The following PLEKHA5 variants were observed in gnomAD, a reference collection of about 807,000 sequenced individuals.
PLEKHA5 encodes the protein pleckstrin homology domain containing A5, also known as pleckstrin homology domain-containing family A member 5.
A neutral mutation model predicts 181.9 loss-of-function variants in PLEKHA5; 55 were observed. The ratio of observed to expected loss-of-function variants is 0.30; its 90% CI spans 0.24 to 0.38. PLEKHA5 has a LOEUF of 0.38. Among genes scored for constraint, PLEKHA5 ranks in the 10% least tolerant of loss-of-function variants. PLEKHA5 has a pLI of 1.00. For synonymous variants in PLEKHA5, 535 were observed against 529.4 expected (o/e 1.01, Z -0.15); for missense variants, 1,432 against 1,549.5 (o/e 0.92, Z 1.27).
At chr12:19,370,025 C>T (rs2095537051) in intron 31 of PLEKHA5, among the ~76,000 whole-genome samples, 1 of 152,208 alleles carries the variant, frequency 6.6e-6, no homozygotes. Flanking sequence ...ATTTCATCAT[C>T]CAGAAAAACA....
At chr12:19,179,005 T>G (rs891129534) in intron 3 of PLEKHA5, among the ~76,000 whole-genome samples, 3 of 152,190 alleles carry the variant, frequency 2.0e-5, no homozygotes, top group African/African-American at 7.2e-5. Flanking sequence ...GAGGAGAGAT[T>G]CTGCATTTGT....
chr12:19,131,673 C>CT (rs1462595893), intron 2 of PLEKHA5, among the ~76,000 whole-genome samples: 168 of 145,206 alleles, frequency 1.2e-3, no homozygotes, highest in Admixed American at 1.3e-3. Flanking sequence ...TGTGATTTCA[C>CT]TTTTTTTTTT....
intron 10 of PLEKHA5, among the ~76,000 whole-genome samples, chr12:19,273,731 T>C (rs2073749278): frequency 6.6e-6 from 1 of 152,206 alleles, no homozygotes; most frequent in Non-Finnish European, 1.5e-5. Flanking sequence ...GCTCATTCTT[T>C]CAGTGGCCAG....
chr12:19,283,396 G>A lies in PLEKHA5; in HGVS notation c.1430G>A (p.Ser477Asn), dbSNP rs1383632859. The change falls in exon 12 of 32, where the codon AGT becomes AAT. Residue 477 changes from serine to asparagine, a missense_variant. By Grantham distance (46) the Ser-to-Asn change is conservative (BLOSUM62 1). Coordinates refer to ENST00000429027, the MANE Select transcript of PLEKHA5 (RefSeq NM_001256470.2). ...AGAAACAGCAAGACAAGGCCTGAAAGTATCTGCAGTGTAACCCCTTCCACT... is the reference window on the plus strand; with the variant it reads ...AGAAACAGCAAGACAAGGCCTGAAAATATCTGCAGTGTAACCCCTTCCACT... ...LPRNSKTRPE[S>N]ICSVTPSTHD... 4 of 1,614,052 alleles carry A rather than the reference G, an allele frequency of 2.5e-6. No individual in the cohort carries two copies. The highest frequency in any genetic ancestry group is 1.7e-5 in the Admixed American group (1 of 59,994).
At chr12:19,334,832 ATAT>A (rs1565630043) in intron 20 of PLEKHA5, among the ~76,000 whole-genome samples, 1,409 of 25,274 alleles carry the variant, frequency 0.056, 278 homozygotes, top group East Asian at 0.25. Context: ...AAAAAAAAAT[ATAT>A]ATATATATAT....
intron 31 of PLEKHA5, among the ~76,000 whole-genome samples, chr12:19,375,194 T>G (rs558402789): frequency 6.6e-6 from 1 of 151,886 alleles, no homozygotes; most frequent in South Asian, 2.1e-4. Flanking sequence ...CATGGTGATA[T>G]GTGCCTGTAA....
chr12:19,213,721 TCAATA>T (rs1160072063), intron 3 of PLEKHA5, among the ~76,000 whole-genome samples: 4 of 152,004 alleles, frequency 2.6e-5, no homozygotes, highest in Admixed American at 6.5e-5. Flanking sequence ...TAGAGATAGA[TCAATA>T]CAACGTAAGT....
intron 25 of PLEKHA5, among the ~76,000 whole-genome samples, chr12:19,349,223 C>G (rs2153213831): frequency 6.6e-6 from 1 of 152,030 alleles, no homozygotes; most frequent in South Asian, 2.1e-4. Context: ...CTCGGTGATC[C>G]TCTCACTTCA....
intron 3 of PLEKHA5, among the ~76,000 whole-genome samples, chr12:19,253,535 G>C (rs77855047): frequency 6.6e-6 from 1 of 151,834 alleles, no homozygotes; most frequent in African/African-American, 2.4e-5. Flanking sequence ...AAAGGCTGGC[G>C]GCCAGGTGCC....
intron 3 of PLEKHA5, among the ~76,000 whole-genome samples, chr12:19,230,018 G>T (rs902777239): frequency 6.6e-6 from 1 of 152,054 alleles, no homozygotes; most frequent in Non-Finnish European, 1.5e-5. Context: ...TAGACATAAA[G>T]GTTCTCCAAG....
intron 3 of PLEKHA5, among the ~76,000 whole-genome samples, chr12:19,180,594 A>G (rs1591958162): frequency 6.6e-6 from 1 of 152,292 alleles, no homozygotes; most frequent in East Asian, 1.9e-4. Flanking sequence ...ATCTGCAAGC[A>G]TATTTTAGAA....
At chr12:19,139,316 T>C (rs1283227883) in intron 3 of PLEKHA5, among the ~76,000 whole-genome samples, 1 of 152,078 alleles carries the variant, frequency 6.6e-6, no homozygotes, top group Non-Finnish European at 1.5e-5. Context: ...TGGTTTGGTT[T>C]TTGAGCTGCT....
intron 20 of PLEKHA5, 81 bp downstream of exon 20, chr12:19,322,748 C>A: frequency 2.2e-6 from 2 of 896,108 alleles, no homozygotes; most frequent in South Asian, 1.7e-5. Context: ...TAATACTGGG[C>A]TCTCTTTAGG....
intron 15 of PLEKHA5, among the ~76,000 whole-genome samples, chr12:19,305,278 A>G (rs1375686315): frequency 6.6e-6 from 1 of 152,034 alleles, no homozygotes; most frequent in Non-Finnish European, 1.5e-5. Flanking sequence ...AAGTTATTCA[A>G]TAGGTGGGGT....
At chr12:19,338,560 A>G (rs912076882) in intron 21 of PLEKHA5, among the ~76,000 whole-genome samples, 4 of 151,468 alleles carry the variant, frequency 2.6e-5, no homozygotes, top group Non-Finnish European at 4.4e-5. Context: ...TGGAGTGGAG[A>G]TCACGCAACT....
At chr12:19,189,149 G>A (rs1591991617) in intron 3 of PLEKHA5, among the ~76,000 whole-genome samples, 1 of 152,220 alleles carries the variant, frequency 6.6e-6, no homozygotes, top group African/African-American at 2.4e-5. Flanking sequence ...CAGTGTGCCT[G>A]GAACTAGGCA....
At chr12:19,230,366 C>G (rs1239798639) in intron 3 of PLEKHA5, among the ~76,000 whole-genome samples, 1 of 152,226 alleles carries the variant, frequency 6.6e-6, no homozygotes, top group African/African-American at 2.4e-5. Flanking sequence ...GCCCGCACTC[C>G]TCAGCCCTTG....
intron 3 of PLEKHA5, among the ~76,000 whole-genome samples, chr12:19,167,766 C>G (rs2044850330): frequency 6.6e-6 from 1 of 151,998 alleles, no homozygotes; most frequent in South Asian, 2.1e-4. Context: ...CATAAAATTA[C>G]AACTATGATC....
intron 3 of PLEKHA5, among the ~76,000 whole-genome samples, chr12:19,222,145 ATATG>A (rs2059038321): frequency 6.6e-6 from 1 of 152,062 alleles, no homozygotes; most frequent in Admixed American, 6.6e-5. Context: ...ATATTTATGA[ATATG>A]TATATTTGTA....
Sources: allele counts gnomAD v4.1 joint callset (sites outside exome capture counted in the v4.1 genomes callset), GRCh38; gene constraint gnomAD v4.1.1; transcripts MANE v1.5; gene names NCBI Gene and HGNC (gene_info 2026-07-23, HGNC 2026-07-21).